Variants in NFIB observed in about 807,000 individuals in gnomAD.
The protein encoded by NFIB is nuclear factor 1 B-type.
In NFIB, 11 loss-of-function variants were observed where a neutral mutation model predicts 61.5. The ratio of observed to expected loss-of-function variants is 0.18; its 90% CI spans 0.11 to 0.30. The LOEUF (loss-of-function observed/expected upper bound fraction) is 0.30, where lower values mean the gene tolerates loss of function less well. Ranked by LOEUF, NFIB falls within the 10% of genes least tolerant of loss-of-function variation. The pLI, the probability that NFIB is intolerant of heterozygous loss-of-function variation, is 1.00. For synonymous variants in NFIB, 260 were observed against 216.5 expected, an observed-to-expected ratio of 1.20 and a Z score of -1.76; for missense variants, 471 against 608.9, an observed-to-expected ratio of 0.77 and a Z score of 2.38.
At position 14,084,663 on chromosome 9, in the gene NFIB, A is replaced by T. The variant is rs1206246617; in HGVS notation, c.*3646T>A. 1 of 230,042 alleles carries T rather than the reference A, an allele frequency of 4.3e-6. No individual in the cohort carries two copies. The highest frequency in any genetic ancestry group is 8.6e-6 in the Non-Finnish European group (1 of 116,010). 14.3% of individuals were successfully genotyped at this position (230,042 alleles called of 1,614,324 possible). ...TGGTTGGAGACACCACTCCCTACTCATGCCCTTGGGTGACCTTCGCCATCC... is the reference window on the plus strand; with the variant it reads ...TGGTTGGAGACACCACTCCCTACTCTTGCCCTTGGGTGACCTTCGCCATCC... On this transcript the variant is annotated 3_prime_UTR_variant, in exon 11 of 11. Transcript: ENST00000380953.
chr9:14,212,365 A>G (rs879823059), intron 2 of NFIB, among the ~76,000 whole-genome samples: 1 of 152,312 alleles, frequency 6.6e-6, no homozygotes, highest in East Asian at 1.9e-4. Flanking sequence ...ATGATTATAT[A>G]CTCATTTAAT....
chr9:14,184,681 C>T (rs1037581891), intron 2 of NFIB, among the ~76,000 whole-genome samples: 3 of 152,144 alleles, frequency 2.0e-5, no homozygotes, highest in African/African-American at 4.8e-5. Flanking sequence ...GATAAATCAT[C>T]AAAACTGTCA....
intron 3 of NFIB, among the ~76,000 whole-genome samples, chr9:14,169,587 A>G (rs1237039566): frequency 6.6e-6 from 1 of 152,136 alleles, no homozygotes; most frequent in Non-Finnish European, 1.5e-5. Context: ...TGAGGAGGCC[A>G]GGGTGGGCGG....
chr9:14,410,017 C>T, the NFIB span, among the ~76,000 whole-genome samples: 11 of 152,064 alleles, frequency 7.2e-5, no homozygotes, highest in Admixed American at 7.2e-4. Flanking sequence ...ACACTTGTAT[C>T]TTTAACAGGA....
intron 1 of NFIB, among the ~76,000 whole-genome samples, chr9:14,386,697 A>T (rs2061553326): frequency 6.6e-6 from 1 of 152,168 alleles, no homozygotes; most frequent in Non-Finnish European, 1.5e-5. Context: ...CAGTATGATG[A>T]ATGTTAGTGC....
chr9:14,412,487 T>TGA, the NFIB span, among the ~76,000 whole-genome samples: 21 of 152,190 alleles, frequency 1.4e-4, no homozygotes, highest in African/African-American at 4.8e-4. Context: ...TCTCTGAGTG[T>TGA]GAGAGATTCA....
chr9:14,307,574 A>C lies in NFIB; in HGVS notation c.31-54T>G. 6.8e-7 allele frequency: 1 copy of C among 1,474,358 alleles called. No individual in the cohort carries two copies. The highest frequency in any genetic ancestry group is 2.4e-5 in the Admixed American group (1 of 42,326). 91.3% of individuals were successfully genotyped at this position (1,474,358 alleles called of 1,614,324 possible). A position where few individuals can be genotyped will look rare whatever the true frequency, so the allele number is the denominator to read the frequency against. ...ATGTGCATAGTCAGTTTAATTTTAA[A>C]AGCTCAAAAAATAAGAAAAGAAGAC... is the stretch of plus-strand genomic sequence containing the variant. On this transcript the variant is annotated intron_variant, in intron 1 of 10. Transcript: ENST00000380953. The surrounding 1 kb of genome is among the most constrained non-coding windows in gnomAD (Gnocchi z 5.3).
At chr9:14,134,946 C>A (rs1030307632) in intron 6 of NFIB, among the ~76,000 whole-genome samples, 2 of 144,216 alleles carry the variant, frequency 1.4e-5, no homozygotes, top group Non-Finnish European at 3.0e-5. Context: ...TGGTAAAATG[C>A]CATTAGATTA....
At chr9:14,412,693 C>T in the NFIB span, among the ~76,000 whole-genome samples, 3 of 152,114 alleles carry the variant, frequency 2.0e-5, no homozygotes, top group African/African-American at 7.2e-5. Flanking sequence ...GGAAGGATTT[C>T]TTCAATGCCC....
chr9:14,206,334 T>A lies in NFIB; in HGVS notation c.563-26554A>T, dbSNP rs546478169. On this transcript the variant is annotated intron_variant, in intron 2 of 10. Coordinates refer to ENST00000380953, the MANE Select transcript of NFIB (RefSeq NM_001190737.2). ...TAGGACCACAGATGCACCTGGCTAA[T>A]TTTTTTGTATTTTTGGTAGAGACAG... Among the ~76,000 whole-genome samples the A allele has an allele frequency of 1.3e-3, 200 of 151,936 alleles. 1 individual carries two copies. The highest frequency in any genetic ancestry group is 4.6e-3 in the African/African-American group (190 of 41,424).
chr9:14,287,302 G>A lies in NFIB; in HGVS notation c.562+19687C>T, dbSNP rs573112740. 7.3e-5 allele frequency among the ~76,000 whole-genome samples: 11 copies of A among 151,450 alleles called. 1 individual carries two copies. The South Asian group carries it at 1.5e-3, about 20-fold the overall frequency. ...AAAAATTAGCTGGGCGTGGTGGCGGGCACCTGTAGTCCCAGCTACTAGGGA... is the reference window on the plus strand; with the variant it reads ...AAAAATTAGCTGGGCGTGGTGGCGGACACCTGTAGTCCCAGCTACTAGGGA... On this transcript the variant is annotated intron_variant, in intron 2 of 10. Transcript: ENST00000380953.
intron 1 of NFIB, among the ~76,000 whole-genome samples, chr9:14,388,321 G>C (rs2061573876): frequency 6.6e-6 from 1 of 151,508 alleles, no homozygotes; most frequent in African/African-American, 2.4e-5. Context: ...GCTGCAGTCA[G>C]CTGTGATGAC....
the NFIB span, among the ~76,000 whole-genome samples, chr9:14,490,642 T>C: frequency 6.6e-6 from 1 of 152,048 alleles, no homozygotes; most frequent in Non-Finnish European, 1.5e-5. Context: ...GTAGAAAACA[T>C]GAACAAGCAT....
At position 14,189,580 on chromosome 9, in the gene NFIB, G is replaced by C. The variant is rs144740940; in HGVS notation, c.563-9800C>G. Among the ~76,000 whole-genome samples, 999 of 141,048 alleles carry C rather than the reference G, an allele frequency of 7.1e-3. 13 individuals are homozygous for C. The highest frequency in any genetic ancestry group is 0.023 in the African/African-American group (924 of 40,458). The allele number at this position is 141,048 out of a possible 152,430, so 92.5% of individuals were successfully genotyped here. ...TTTAATGTTCTTTAAGGTTTAATTA[G>C]TACTCCTCCTCCCCCTCCTAAAAAA... On this transcript the variant is annotated intron_variant, in intron 2 of 10. Transcript: ENST00000380953.
rs145738912 is a variant in NFIB at position 14,125,824 on chromosome 9, T to G, written c.926-58A>C. 5.7e-6 allele frequency: 9 copies of G among 1,580,648 alleles called. No homozygotes were observed. The East Asian group carries it at 2.0e-4, about 35-fold the overall frequency. On this transcript the variant is annotated intron_variant, in intron 6 of 10. Transcript: ENST00000380953. ...TGACTTTCTTAAGCTCTAAGGTTCA[T>G]GTCAACAAATGACAGATCTCATCTT...
chr9:14,510,336 A>C, the NFIB span, among the ~76,000 whole-genome samples: 2 of 152,226 alleles, frequency 1.3e-5, no homozygotes, highest in African/African-American at 4.8e-5. Context: ...AAATAAGGGG[A>C]AACAGAAAAG....
the NFIB span, among the ~76,000 whole-genome samples, chr9:14,439,819 G>C: frequency 6.6e-6 from 1 of 152,190 alleles, no homozygotes; most frequent in Non-Finnish European, 1.5e-5. Context: ...GCAAAAACAC[G>C]GTGTAAGGGT....
At chr9:14,325,583 T>C (rs553601257) in intron 1 of NFIB, among the ~76,000 whole-genome samples, 1 of 152,278 alleles carries the variant, frequency 6.6e-6, no homozygotes, top group Non-Finnish European at 1.5e-5. Context: ...TTTGAGTCAT[T>C]ACCCCAAAGG....
chr9:14,478,501 T>C, the NFIB span, among the ~76,000 whole-genome samples: 1 of 152,220 alleles, frequency 6.6e-6, no homozygotes. Flanking sequence ...AGAGATCTTG[T>C]ATAAAAATGG....
Sources: allele counts gnomAD v4.1 joint callset (sites outside exome capture counted in the v4.1 genomes callset), GRCh38; gene constraint gnomAD v4.1.1; non-coding constraint Gnocchi (gnomAD v3.1); transcripts MANE v1.5; gene names NCBI Gene and HGNC (gene_info 2026-07-23, HGNC 2026-07-21).